The following OTOA variants were observed in gnomAD, a reference collection of about 807,000 sequenced individuals.
OTOA encodes the protein otoancorin, also known as cancer/testis antigen 108.
OTOA carries 70 observed loss-of-function variants against 110.8 expected under a neutral mutation model. The ratio of observed to expected loss-of-function variants is 0.63; its 90% CI spans 0.52 to 0.77. The LOEUF is 0.77. Among genes scored for constraint, OTOA ranks in the 30% least tolerant of loss-of-function variants. OTOA has a pLI of 0.00. For missense variants in OTOA, 917 were observed against 1,075.8 expected (o/e 0.85, Z 2.06); for synonymous variants, 373 against 431.5 (o/e 0.86, Z 1.68).
At chr16:21,664,978 G>GAATAAATAAATA (rs113140289) in intron 1 of OTOA, among the ~76,000 whole-genome samples, 32 of 145,026 alleles carry the variant, frequency 2.2e-4, no homozygotes, top group African/African-American at 4.2e-4. Flanking sequence ...TCTCATGAAT[G>GAATAAATAAATA]AATAAATAAA....
chr16:21,674,174 C>T (rs931271957), intron 1 of OTOA, among the ~76,000 whole-genome samples: 2 of 152,050 alleles, frequency 1.3e-5, no homozygotes, highest in South Asian at 2.1e-4. Context: ...TTGGGCTGTA[C>T]GTTAAGTACA....
At chr16:21,696,041 T>C (rs1159809342) in intron 9 of OTOA, among the ~76,000 whole-genome samples, 2 of 151,096 alleles carry the variant, frequency 1.3e-5, no homozygotes, top group Admixed American at 1.3e-4. Context: ...ACTACAGGCG[T>C]GCGCTACCAC....
chr16:21,725,102 G>A (rs1898872815), intron 18 of OTOA, among the ~76,000 whole-genome samples: 1 of 151,950 alleles, frequency 6.6e-6, no homozygotes, highest in South Asian at 2.1e-4. Context: ...GTCTTGTTTT[G>A]TTCACTGGTT....
Position 21,700,997 on chromosome 16 carries a change from T to C in OTOA, c.950T>C (p.Phe317Ser). ...CTGGAGAGGATCAGCTCCTCCAACT[T>C]TAACATGAGGAATACCTCCACCATC... Reference protein sequence around the residue: ...AFLERISSSNFNMRNTSTIHR... With the variant: ...AFLERISSSNSNMRNTSTIHR... The change falls in exon 11 of 29, where the codon TTT becomes TCT. Residue 317 changes from phenylalanine (F) to serine (S), a missense_variant. Phe to Ser is a radical substitution (Grantham distance 155, BLOSUM62 -2). This residue lies in a region of OTOA where 840 missense variants were observed against 910.2 expected (regional missense o/e 0.92). Coordinates refer to ENST00000646100, the MANE Select transcript of OTOA (RefSeq NM_144672.4). 6.2e-7 allele frequency: 1 copy of C among 1,614,120 alleles called. No homozygotes were observed. The highest frequency in any genetic ancestry group is 1.3e-5 in the African/African-American group (1 of 75,028).
chr16:21,715,323 C>T (rs1444130468), intron 14 of OTOA, among the ~76,000 whole-genome samples, 171 bp downstream of exon 14: 1 of 152,084 alleles, frequency 6.6e-6, no homozygotes, highest in African/African-American at 2.4e-5. Flanking sequence ...CCTTTCCAGA[C>T]GGAGCCCTTC....
At chr16:21,731,424 A>C (rs1352130488) in intron 21 of OTOA, among the ~76,000 whole-genome samples, 1 of 152,244 alleles carries the variant, frequency 6.6e-6, no homozygotes, top group East Asian at 1.9e-4. Context: ...TGAATTAGTC[A>C]TTTGTGCTGC....
intron 12 of OTOA, among the ~76,000 whole-genome samples, chr16:21,706,600 C>A (rs181278043): frequency 6.6e-6 from 1 of 152,180 alleles, no homozygotes; most frequent in African/African-American, 2.4e-5. Context: ...CTCTCCATCT[C>A]TCTCTTCTTC....
At chr16:21,697,037 C>CTTTTTTTTTTTTTTT (rs56124254) in intron 9 of OTOA, among the ~76,000 whole-genome samples, 1 of 65,036 alleles carries the variant, frequency 1.5e-5, no homozygotes, top group Non-Finnish European at 2.6e-5. Context: ...CTACAGCTGG[C>CTTTTTTTTTTTTTTT]TTTTTTTTTT....
At chr16:21,737,005 T>G (rs182750443) in intron 22 of OTOA, among the ~76,000 whole-genome samples, 2,560 of 151,334 alleles carry the variant, frequency 0.017, no homozygotes, top group Middle Eastern at 0.035. Flanking sequence ...GCTGGCTACA[T>G]TTCACTCCTG....
intron 1 of OTOA, among the ~76,000 whole-genome samples, chr16:21,665,854 G>A (rs575514574): frequency 6.6e-6 from 1 of 151,738 alleles, no homozygotes; most frequent in South Asian, 2.1e-4. Flanking sequence ...TTCCAGCCAG[G>A]GTTTTGCTCT....
chr16:21,707,145 G>A (rs540744063), intron 12 of OTOA, among the ~76,000 whole-genome samples: 19 of 151,990 alleles, frequency 1.3e-4, no homozygotes, highest in Admixed American at 2.6e-4. Flanking sequence ...GATTACAGGC[G>A]TCAGCCACCG....
intron 14 of OTOA, 24 bp from the exon 15 acceptor site, chr16:21,716,883 T>G: frequency 1.9e-6 from 3 of 1,613,622 alleles, no homozygotes; most frequent in Non-Finnish European, 2.5e-6. Flanking sequence ...ACAATGTTGT[T>G]TTGTTGCTTC....
At chr16:21,725,437 C>A (rs1898883369) in intron 18 of OTOA, among the ~76,000 whole-genome samples, 1 of 152,040 alleles carries the variant, frequency 6.6e-6, no homozygotes, top group African/African-American at 2.4e-5. Flanking sequence ...GGTGTGCATG[C>A]CACCATGCCC....
chr16:21,709,924 C>G lies in OTOA; in HGVS notation c.1141C>G (p.Gln381Glu), dbSNP rs377581131. 3,269 of 1,614,030 alleles carry G rather than the reference C, an allele frequency of 2.0e-3. 78 individuals are homozygous for G. The South Asian group carries it at 0.034, about 17-fold the overall frequency. Residue 381 changes from glutamine (Q) to glutamate (E), a missense_variant, in exon 13 of 29, where the codon CAG becomes GAG. This residue lies in a region of OTOA where 840 missense variants were observed against 910.2 expected (regional missense o/e 0.92). Transcript: ENST00000646100. Reference protein sequence around the residue: ...AELLDIAMENQTLNETLGSLS... With the variant: ...AELLDIAMENETLNETLGSLS... ...ACTCCTGGACATTGCCATGGAGAACCAGACCCTCAATGAGACCCTGGGTTC... is the reference window on the plus strand; with the variant it reads ...ACTCCTGGACATTGCCATGGAGAACGAGACCCTCAATGAGACCCTGGGTTC...
In OTOA at chr16:21,700,033, T is replaced by C. The variant is rs61517436; in HGVS notation, c.841-855T>C. ...AATCTGCTAGAAATACAAGGAAGAA[T>C]AGATAGATATGAGTCCTGTAGTAGT... On this transcript the variant is annotated intron_variant, in intron 10 of 28. Coordinates refer to ENST00000646100, the MANE Select transcript of OTOA (RefSeq NM_144672.4). Among the ~76,000 whole-genome samples, 369 of 152,158 alleles carry C rather than the reference T, an allele frequency of 2.4e-3. 5 individuals are homozygous for C. The highest frequency in any genetic ancestry group is 8.3e-3 in the African/African-American group (343 of 41,512).
At chr16:21,722,287 A>G (rs1340329458) in intron 17 of OTOA, among the ~76,000 whole-genome samples, 1 of 150,062 alleles carries the variant, frequency 6.7e-6, no homozygotes, top group East Asian at 1.9e-4. Context: ...AAAAAACACA[A>G]GTGAGCTCAT....
intron 1 of OTOA, among the ~76,000 whole-genome samples, chr16:21,677,703 G>C (rs929911353): frequency 6.6e-6 from 1 of 151,740 alleles, no homozygotes; most frequent in African/African-American, 2.4e-5. Flanking sequence ...AGGATGGTCT[G>C]GATCTCCTGA....
intron 17 of OTOA, among the ~76,000 whole-genome samples, 182 bp downstream of exon 17, chr16:21,719,686 T>C (rs1288627625): frequency 6.6e-6 from 1 of 152,124 alleles, no homozygotes; most frequent in African/African-American, 2.4e-5. Context: ...AATACCCACA[T>C]CACTACAGCC....
rs1480693766 is a variant in OTOA at position 21,687,411 on chromosome 16, A to G, written c.400-2A>G. The G allele has an allele frequency of 6.2e-7, 1 of 1,613,746 alleles. No individual in the cohort carries two copies. Among genetic ancestry groups the G allele is most frequent in the Admixed American group, 1.7e-5 (1 of 60,016 alleles). On this transcript the variant is annotated splice_acceptor_variant, in intron 7 of 28. Transcript: ENST00000646100. LOFTEE classifies it high-confidence loss of function. ...TGACCCTGGCTTCTGTCATTGCTTT[A>G]GGACCTGAAAGACATCATCATCGAC...
Sources: gnomAD v4.1 joint callset for allele counts (sites outside exome capture counted in the v4.1 genomes callset) on GRCh38, gnomAD v4.1.1 for gene constraint, gnomAD v4.1.1 regional missense constraint, MANE v1.5 for transcripts, NCBI Gene and HGNC (gene_info 2026-07-23, HGNC 2026-07-21) for gene names.